The following HPSE2 variants were observed in gnomAD, a reference collection of about 807,000 sequenced individuals.
HPSE2 encodes the protein heparanase 2 (inactive).
A neutral mutation model predicts 60.5 loss-of-function variants in HPSE2; 38 were observed. The observed-to-expected ratio is 0.63, with a 90% CI of 0.48 to 0.82. The LOEUF is 0.82. HPSE2 is among the 40% of genes least tolerant of loss of function. HPSE2 has a pLI of 0.00. For missense variants in HPSE2, 713 were observed against 740.4 expected, an observed-to-expected ratio of 0.96 and a Z score of 0.43; for synonymous variants, 295 against 293.2, an observed-to-expected ratio of 1.01 and a Z score of -0.06.
chr10:98,797,345 T>C (rs1263627223), intron 3 of HPSE2, among the ~76,000 whole-genome samples: 1 of 152,182 alleles, frequency 6.6e-6, no homozygotes, highest in South Asian at 2.1e-4. Context: ...GCAATTGATA[T>C]GCTGAAAACT....
At chr10:98,918,175 G>A (rs1441830579) in intron 3 of HPSE2, among the ~76,000 whole-genome samples, 1 of 152,160 alleles carries the variant, frequency 6.6e-6, no homozygotes, top group Non-Finnish European at 1.5e-5. Flanking sequence ...TTTAAACTGA[G>A]TTTTCTTACA....
At chr10:99,184,768 C>A in intron 2 of HPSE2, among the ~76,000 whole-genome samples, 1 of 99,722 alleles carries the variant, frequency 1.0e-5, no homozygotes, top group African/African-American at 3.8e-5. Flanking sequence ...GAAGATGTGG[C>A]AACAGAACTA....
intron 5 of HPSE2, among the ~76,000 whole-genome samples, chr10:98,709,477 C>A (rs756178170): frequency 1.3e-5 from 2 of 152,116 alleles, no homozygotes; most frequent in Non-Finnish European, 2.9e-5. Flanking sequence ...GGACTATGAT[C>A]TCAGAGGACA....
intron 3 of HPSE2, among the ~76,000 whole-genome samples, chr10:98,908,416 G>C (rs962968459): frequency 8.5e-5 from 13 of 152,232 alleles, no homozygotes; most frequent in Admixed American, 7.8e-4. Context: ...GGGCGCAGTG[G>C]CTCACGCCTG....
At chr10:98,521,192 A>G (rs1942779695) in intron 9 of HPSE2, among the ~76,000 whole-genome samples, 1 of 152,266 alleles carries the variant, frequency 6.6e-6, no homozygotes, top group South Asian at 2.1e-4. Context: ...CTACCATCAG[A>G]GTGAACAGGC....
intron 10 of HPSE2, among the ~76,000 whole-genome samples, chr10:98,486,036 G>A (rs981261523): frequency 1.3e-5 from 2 of 152,164 alleles, no homozygotes; most frequent in Non-Finnish European, 2.9e-5. Flanking sequence ...AACCAGTACA[G>A]CCCAGAGACC....
At chr10:99,092,403 T>G (rs1264875680) in intron 3 of HPSE2, among the ~76,000 whole-genome samples, 2 of 152,200 alleles carry the variant, frequency 1.3e-5, no homozygotes, top group Non-Finnish European at 2.9e-5. Context: ...ACTCTAAAAA[T>G]GGTAAACTGT....
At chr10:99,021,029 T>A (rs1957250192) in intron 3 of HPSE2, among the ~76,000 whole-genome samples, 1 of 152,182 alleles carries the variant, frequency 6.6e-6, no homozygotes, top group Admixed American at 6.5e-5. Flanking sequence ...GTCCATTTAT[T>A]CCTTTCCAGG....
At chr10:98,506,869 T>C (rs1417933051) in intron 9 of HPSE2, among the ~76,000 whole-genome samples, 1 of 152,188 alleles carries the variant, frequency 6.6e-6, no homozygotes, top group Non-Finnish European at 1.5e-5. Flanking sequence ...GATCTCTTCA[T>C]TTCCATTTCC....
chr10:98,829,315 G>A (rs1327180517), intron 3 of HPSE2, among the ~76,000 whole-genome samples: 1 of 152,132 alleles, frequency 6.6e-6, no homozygotes, highest in Non-Finnish European at 1.5e-5. Context: ...GGATCACGAG[G>A]TCAGGAGTTC....
chr10:99,234,842 AAGG>A (rs1564913137), intron 1 of HPSE2, among the ~76,000 whole-genome samples: 2 of 151,334 alleles, frequency 1.3e-5, no homozygotes, highest in African/African-American at 4.9e-5. Context: ...CAGGAGATTT[AAGG>A]AGGAGGAACT....
chr10:98,573,451 T>C (rs1015947387), intron 9 of HPSE2, among the ~76,000 whole-genome samples: 5 of 96,312 alleles, frequency 5.2e-5, no homozygotes, highest in African/African-American at 1.6e-4. Flanking sequence ...GAAGAGGGAC[T>C]CTGTGGAGAG....
chr10:99,213,809 GGAAT>G (rs1159711412), intron 2 of HPSE2, among the ~76,000 whole-genome samples: 5 of 151,960 alleles, frequency 3.3e-5, no homozygotes, highest in Non-Finnish European at 7.4e-5. Context: ...CTACAAAATG[GGAAT>G]AATAACAGAA....
chr10:99,136,856 C>T (rs955372627), intron 3 of HPSE2, among the ~76,000 whole-genome samples: 1 of 152,162 alleles, frequency 6.6e-6, no homozygotes, highest in African/African-American at 2.4e-5. Flanking sequence ...TCTCTAACCA[C>T]TCCTACTCAA....
At chr10:98,692,882 T>C (rs1260419035) in intron 6 of HPSE2, among the ~76,000 whole-genome samples, 1 of 152,236 alleles carries the variant, frequency 6.6e-6, no homozygotes, top group Non-Finnish European at 1.5e-5. Flanking sequence ...CCCATTATGA[T>C]TGAAGTTATT....
At chr10:98,678,071 T>A (rs1261564070) in intron 6 of HPSE2, among the ~76,000 whole-genome samples, 1 of 152,224 alleles carries the variant, frequency 6.6e-6, no homozygotes, top group African/African-American at 2.4e-5. Context: ...ATTTTGTTTT[T>A]CTGCAACAGC....
intron 7 of HPSE2, among the ~76,000 whole-genome samples, chr10:98,639,618 T>A (rs1356035534): frequency 1.3e-5 from 2 of 152,234 alleles, no homozygotes; most frequent in East Asian, 3.8e-4. Context: ...GCTCTTTTCC[T>A]TAAGTTTCTT....
intron 3 of HPSE2, among the ~76,000 whole-genome samples, chr10:99,119,096 A>AGAGGGAGGGAGGGAGGGAGGGAGG (rs1191415379): frequency 8.5e-6 from 1 of 117,862 alleles, no homozygotes; most frequent in African/African-American, 3.3e-5. Context: ...AAAGAGAGAG[A>AGAGGGAGGGAGGGAGGGAGGGAGG]GAGGGAGGGA....
chr10:99,194,175 G>T (rs936554409), intron 2 of HPSE2, among the ~76,000 whole-genome samples: 5 of 151,756 alleles, frequency 3.3e-5, no homozygotes, highest in Non-Finnish European at 5.9e-5. Flanking sequence ...TAACTTATTG[G>T]CAGCACAATG....
Sources: allele counts gnomAD v4.1 joint callset (sites outside exome capture counted in the v4.1 genomes callset), GRCh38; gene constraint gnomAD v4.1.1; transcripts MANE v1.5; gene names NCBI Gene and HGNC (gene_info 2026-07-23, HGNC 2026-07-21).